MCTP2: variants seen among roughly 807,000 people sequenced by gnomAD.
The protein encoded by MCTP2 is multiple C2 and transmembrane domain-containing protein 2.
In MCTP2, 132 loss-of-function variants were observed where a neutral mutation model predicts 111.6. The ratio of observed to expected loss-of-function variants is 1.18; its 90% CI spans 1.03 to 1.37. The LOEUF (loss-of-function observed/expected upper bound fraction) is 1.37. Among genes scored for constraint, MCTP2 ranks in the 40% most tolerant of loss-of-function variants. The pLI, the probability that MCTP2 is intolerant of heterozygous loss-of-function variation, is 0.00. For synonymous variants in MCTP2, 395 were observed against 387.7 expected (o/e 1.02, Z -0.22); for missense variants, 1,183 against 1,067.9 (o/e 1.11, Z -1.50).
At chr15:94,390,076 A>ATG (rs1173699808) in intron 14 of MCTP2, among the ~76,000 whole-genome samples, 48 of 12,648 alleles carry the variant, frequency 3.8e-3, no homozygotes, top group African/African-American at 7.4e-3. Flanking sequence ...ATATATATAT[A>ATG]TATATATATA....
rs116469749 is a variant in MCTP2, at chr15:94,252,991, C to T, written c.-66+21327C>T. The stretch of plus-strand genomic sequence containing the variant: ...CATTACAGCCTGGCTTCTGTGTCCC[C>T]GAGGTGTCTGCTGCCCTCCCAGTAA... On this transcript the variant is annotated intron_variant, in intron 1 of 22. Transcript: ENST00000357742. 5.0e-3 allele frequency among the ~76,000 whole-genome samples: 763 copies of T among 152,242 alleles called. 9 individuals carry two copies. The highest frequency in any genetic ancestry group is 0.017 in the African/African-American group (726 of 41,506).
intron 19 of MCTP2, among the ~76,000 whole-genome samples, chr15:94,456,659 A>G (rs182012084): frequency 6.6e-6 from 1 of 152,356 alleles, no homozygotes; most frequent in Admixed American, 6.5e-5. Context: ...TAAAAAAGTA[A>G]AAGTATCTTG....
At chr15:94,243,089 A>G (rs1332577088) in intron 1 of MCTP2, among the ~76,000 whole-genome samples, 1 of 43,628 alleles carries the variant, frequency 2.3e-5, no homozygotes, top group Non-Finnish European at 5.4e-5. Context: ...CTACACATAT[A>G]CGTGTATATG....
intron 1 of MCTP2, among the ~76,000 whole-genome samples, chr15:94,267,769 T>C (rs907064126): frequency 1.2e-4 from 19 of 152,048 alleles, no homozygotes; most frequent in African/African-American, 4.6e-4. Context: ...TTGGTTTGTT[T>C]GGTTTTGTTT....
chr15:94,466,450 TTTTC>T (rs2073311012), intron 20 of MCTP2, among the ~76,000 whole-genome samples: 3 of 152,168 alleles, frequency 2.0e-5, no homozygotes, highest in Non-Finnish European at 4.4e-5. Context: ...TGCTTGAGGC[TTTTC>T]AAGCAACACT....
intron 2 of MCTP2, among the ~76,000 whole-genome samples, chr15:94,313,494 A>G (rs2076239685): frequency 6.6e-6 from 1 of 152,092 alleles, no homozygotes; most frequent in Non-Finnish European, 1.5e-5. Context: ...CGAGGTCAGG[A>G]GTCCGAGACC....
At chr15:94,423,828 G>A (rs1469751790) in intron 17 of MCTP2, among the ~76,000 whole-genome samples, 3 of 152,184 alleles carry the variant, frequency 2.0e-5, no homozygotes, top group Non-Finnish European at 4.4e-5. Flanking sequence ...GAAAGCAAAT[G>A]TAAAATATGT....
At chr15:94,263,652 A>G (rs968752380) in intron 1 of MCTP2, among the ~76,000 whole-genome samples, 1 of 152,230 alleles carries the variant, frequency 6.6e-6, no homozygotes, top group Non-Finnish European at 1.5e-5. Flanking sequence ...ACCAACCAAA[A>G]GCACAAAGAG....
intron 20 of MCTP2, among the ~76,000 whole-genome samples, chr15:94,461,316 C>T (rs913316604): frequency 6.6e-6 from 1 of 151,932 alleles, no homozygotes; most frequent in Non-Finnish European, 1.5e-5. Context: ...AAAAATTAGC[C>T]GAGCATGGTG....
At chr15:94,404,416 C>T (rs1333760693) in intron 17 of MCTP2, among the ~76,000 whole-genome samples, 1 of 151,722 alleles carries the variant, frequency 6.6e-6, no homozygotes, top group Non-Finnish European at 1.5e-5. Flanking sequence ...ATTCTTCTCC[C>T]TCAGCCTCCC....
intron 17 of MCTP2, among the ~76,000 whole-genome samples, chr15:94,428,934 A>C (rs974391167): frequency 1.2e-4 from 18 of 152,146 alleles, no homozygotes; most frequent in African/African-American, 4.3e-4. Flanking sequence ...GGCTCCAAAA[A>C]AAAATATTTA....
chr15:94,460,424 C>G (rs1412972008), intron 20 of MCTP2, among the ~76,000 whole-genome samples: 1 of 152,034 alleles, frequency 6.6e-6, no homozygotes, highest in Non-Finnish European at 1.5e-5. Context: ...TTGGCAGTGC[C>G]TAGAGATGAG....
chr15:94,458,024 T>A (rs566481268), intron 19 of MCTP2, 113 bp from the exon 20 acceptor site: 22 of 632,180 alleles, frequency 3.5e-5, no homozygotes, highest in African/African-American at 3.3e-4. Context: ...GATTTATCTC[T>A]TGTGTCACTC....
intron 8 of MCTP2, among the ~76,000 whole-genome samples, chr15:94,354,060 TATTC>T (rs1225260389): frequency 6.6e-6 from 1 of 151,700 alleles, no homozygotes; most frequent in Non-Finnish European, 1.5e-5. Context: ...GGATGGAACA[TATTC>T]AATAATAAAG....
rs149133063 is a variant in MCTP2, at chr15:94,298,405, G to T, written c.140G>T (p.Arg47Leu). The T allele has an allele frequency of 3.7e-6, 6 of 1,614,046 alleles. No homozygotes were observed. In the African/African-American group the frequency reaches 5.3e-5, roughly 14 times the overall value. Reference protein sequence around the residue: ...DLRARHHLDRRLSLSVPDLLE... With the variant: ...DLRARHHLDRLLSLSVPDLLE... ...CGGGCAAGGCATCACTTGGACCGCCGTCTCAGCCTCTCTGTGCCTGATCTC... is the reference window on the plus strand; with the variant it reads ...CGGGCAAGGCATCACTTGGACCGCCTTCTCAGCCTCTCTGTGCCTGATCTC... Residue 47 changes from arginine to leucine, a missense_variant, in exon 2 of 23, where the codon CGT becomes CTT. Coordinates refer to ENST00000357742, the MANE Select transcript of MCTP2 (RefSeq NM_001385001.1).
chr15:94,444,596 CTCA>C (rs1411601833), intron 19 of MCTP2, among the ~76,000 whole-genome samples: 1 of 152,164 alleles, frequency 6.6e-6, no homozygotes, highest in African/African-American at 2.4e-5. Flanking sequence ...AGATGCTCTT[CTCA>C]TCTCTCTTGC....
chr15:94,331,020 C>T (rs1252529671), intron 4 of MCTP2, among the ~76,000 whole-genome samples: 1 of 152,214 alleles, frequency 6.6e-6, no homozygotes, highest in Non-Finnish European at 1.5e-5. Context: ...AGGCATGAGT[C>T]ACCATGCCCA....
intron 14 of MCTP2, among the ~76,000 whole-genome samples, chr15:94,390,874 C>T (rs1596557691): frequency 6.6e-6 from 1 of 151,930 alleles, no homozygotes; most frequent in South Asian, 2.1e-4. Flanking sequence ...GGATTACAGG[C>T]ACCCACCACC....
intron 1 of MCTP2, among the ~76,000 whole-genome samples, chr15:94,253,294 C>T (rs1013667462): frequency 6.6e-6 from 1 of 152,166 alleles, no homozygotes; most frequent in Non-Finnish European, 1.5e-5. Context: ...ACTTTGATAA[C>T]TTATCAGTCT....
Sources: gnomAD v4.1 joint callset for allele counts (sites outside exome capture counted in the v4.1 genomes callset) on GRCh38, gnomAD v4.1.1 for gene constraint, MANE v1.5 for transcripts, NCBI Gene and HGNC (gene_info 2026-07-23, HGNC 2026-07-21) for gene names.